Variants in GNA14 observed in about 807,000 individuals in gnomAD.
GNA14 encodes guanine nucleotide-binding protein subunit alpha-14.
Under a neutral mutation model 42.0 loss-of-function variants are expected in GNA14, and 50 were observed. The observed-to-expected ratio is 1.19, with a 90% CI of 0.95 to 1.51. The LOEUF (loss-of-function observed/expected upper bound fraction) is 1.51. GNA14 is among the 40% of genes most tolerant of loss of function. GNA14 has a pLI of 0.00. For synonymous variants in GNA14, 173 were observed against 163.1 expected, an observed-to-expected ratio of 1.06 and a Z score of -0.46; for missense variants, 473 against 446.2, an observed-to-expected ratio of 1.06 and a Z score of -0.54.
chr9:77,641,820 A>T (rs1365000841), intron 1 of GNA14, among the ~76,000 whole-genome samples: 1 of 152,100 alleles, frequency 6.6e-6, no homozygotes, highest in Non-Finnish European at 1.5e-5. Context: ...AAATGTACAG[A>T]CCTTTCATAA....
intron 2 of GNA14, among the ~76,000 whole-genome samples, chr9:77,461,314 C>T (rs549938669): frequency 3.3e-5 from 5 of 152,312 alleles, no homozygotes; most frequent in Admixed American, 6.5e-5. Context: ...TCTGAAGCTG[C>T]GCCTTAGCAA....
intron 2 of GNA14, among the ~76,000 whole-genome samples, chr9:77,497,893 G>C (rs1005632019): frequency 6.6e-6 from 1 of 152,130 alleles, no homozygotes. Context: ...TTAGTAGCCA[G>C]TACTACCCCA....
In GNA14 at chr9:77,515,983, A is replaced by AAAAAAAAAAC. The variant is rs1276481734; in HGVS notation, c.309+13085_309+13086insGTTTTTTTTT. Among the ~76,000 whole-genome samples, 5 of 145,440 alleles carry AAAAAAAAAAC rather than the reference A, an allele frequency of 3.4e-5. No individual in the cohort carries two copies. In the East Asian group the frequency reaches 8.9e-4, roughly 26 times the overall value. ...CACAAAAAAAAAAAAAAAAAAAAAA[A>AAAAAAAAAAC]CCCAGAGCAGGAAGAGACAGCCATG... On this transcript the variant is annotated intron_variant, in intron 2 of 6. Coordinates refer to ENST00000341700, the MANE Select transcript of GNA14 (RefSeq NM_004297.4).
chr9:77,556,574 C>T (rs1028973236), intron 1 of GNA14, among the ~76,000 whole-genome samples: 1 of 152,130 alleles, frequency 6.6e-6, no homozygotes, highest in African/African-American at 2.4e-5. Flanking sequence ...GTCAGCAAGT[C>T]CCAGAACCCA....
At chr9:77,499,871 AAAT>A (rs1392646951) in intron 2 of GNA14, among the ~76,000 whole-genome samples, 1 of 152,024 alleles carries the variant, frequency 6.6e-6, no homozygotes, top group Non-Finnish European at 1.5e-5. Context: ...ATAAATAAAT[AAAT>A]AAGGATAAAA....
At chr9:77,551,725 G>C (rs1375302146) in intron 1 of GNA14, among the ~76,000 whole-genome samples, 1 of 151,648 alleles carries the variant, frequency 6.6e-6, no homozygotes, top group Non-Finnish European at 1.5e-5. Context: ...ATAAGAAAAA[G>C]AGTTAGGGCC....
chr9:77,641,011 T>C (rs868575966), intron 1 of GNA14, among the ~76,000 whole-genome samples: 4 of 137,396 alleles, frequency 2.9e-5, no homozygotes, highest in Admixed American at 1.5e-4. Flanking sequence ...TAAAAAATCA[T>C]TGAGGGAAAA....
At chr9:77,489,426 A>C (rs1351968316) in intron 2 of GNA14, among the ~76,000 whole-genome samples, 2 of 152,242 alleles carry the variant, frequency 1.3e-5, no homozygotes, top group Non-Finnish European at 2.9e-5. Context: ...AAGATCAGTG[A>C]ACACCAAACA....
At chr9:77,617,280 C>T (rs74420502) in intron 1 of GNA14, among the ~76,000 whole-genome samples, 2,509 of 152,088 alleles carry the variant, frequency 0.016, 63 homozygotes, top group African/African-American at 0.056. Flanking sequence ...ACCTCCACCC[C>T]CTCACTCCAC....
chr9:77,573,397 C>T (rs1259602945), intron 1 of GNA14, among the ~76,000 whole-genome samples: 8 of 151,628 alleles, frequency 5.3e-5, no homozygotes, highest in Admixed American at 2.6e-4. Flanking sequence ...TGCAGTGAGC[C>T]GAGACTGCAC....
intron 1 of GNA14, among the ~76,000 whole-genome samples, chr9:77,624,601 C>T (rs147536685): frequency 3.3e-5 from 5 of 152,234 alleles, no homozygotes; most frequent in Non-Finnish European, 7.4e-5. Flanking sequence ...GATGTTCTGC[C>T]GCCTCCGCTG....
chr9:77,437,363 G>C (rs1835655852), intron 2 of GNA14, among the ~76,000 whole-genome samples: 1 of 152,176 alleles, frequency 6.6e-6, no homozygotes, highest in South Asian at 2.1e-4. Context: ...TGTCCAACAT[G>C]GTGAAACCCT....
intron 2 of GNA14, among the ~76,000 whole-genome samples, chr9:77,494,417 C>T (rs990372107): frequency 1.3e-5 from 2 of 151,594 alleles, no homozygotes; most frequent in South Asian, 4.2e-4. Context: ...TGGAACATTG[C>T]TGTCTTTTAA....
At chr9:77,590,957 T>A (rs931723034) in intron 1 of GNA14, among the ~76,000 whole-genome samples, 1 of 152,140 alleles carries the variant, frequency 6.6e-6, no homozygotes, top group Non-Finnish European at 1.5e-5. Context: ...ACAACAGACC[T>A]CTTTTGGGGG....
At chr9:77,580,830 G>A (rs1823211951) in intron 1 of GNA14, among the ~76,000 whole-genome samples, 1 of 152,206 alleles carries the variant, frequency 6.6e-6, no homozygotes. Context: ...AGTCTGTATT[G>A]TACCAGTGCA....
intron 6 of GNA14, among the ~76,000 whole-genome samples, chr9:77,425,143 AAG>A (rs1430285662): frequency 6.6e-6 from 1 of 152,062 alleles, no homozygotes; most frequent in Non-Finnish European, 1.5e-5. Flanking sequence ...GCCGACTGGG[AAG>A]AGAGCTGAGT....
chr9:77,452,584 A>ATG (rs1176407595), intron 2 of GNA14, among the ~76,000 whole-genome samples: 2 of 2,498 alleles, frequency 8.0e-4, no homozygotes, highest in African/African-American at 1.7e-3. Context: ...GTGCATGTGT[A>ATG]TGTGTGTGTG....
chr9:77,537,613 G>A (rs1353838582), intron 1 of GNA14, among the ~76,000 whole-genome samples: 2 of 152,120 alleles, frequency 1.3e-5, no homozygotes, highest in African/African-American at 2.4e-5. Context: ...GTAGATTGCT[G>A]GATTGTATGG....
intron 1 of GNA14, among the ~76,000 whole-genome samples, chr9:77,530,287 G>C (rs1161772229): frequency 6.6e-6 from 1 of 152,074 alleles, no homozygotes; most frequent in African/African-American, 2.4e-5. Flanking sequence ...TTGTTTAAAA[G>C]TGTATGGCAC....
Sources: allele counts gnomAD v4.1 joint callset (sites outside exome capture counted in the v4.1 genomes callset), GRCh38; gene constraint gnomAD v4.1.1; transcripts MANE v1.5; gene names NCBI Gene and HGNC (gene_info 2026-07-23, HGNC 2026-07-21).